The following NAV3 variants were observed in gnomAD, a reference collection of about 807,000 sequenced individuals.
The protein encoded by NAV3 is pore membrane and/or filament interacting like protein 1.
A neutral mutation model predicts 244.7 loss-of-function variants in NAV3; 87 were observed. The ratio of observed to expected loss-of-function variants is 0.36; its 90% confidence interval spans 0.30 to 0.42. The LOEUF (loss-of-function observed/expected upper bound fraction) is 0.42. Ranked by LOEUF, NAV3 falls within the 20% of genes least tolerant of loss-of-function variation. The pLI, the probability that NAV3 is intolerant of heterozygous loss-of-function variation, is 1.00. For synonymous variants in NAV3, 1,126 were observed against 1,042.2 expected (o/e 1.08, Z -1.55); for missense variants, 2,663 against 2,893.3 (o/e 0.92, Z 1.83).
intron 2 of NAV3, among the ~76,000 whole-genome samples, chr12:77,706,332 C>T (rs1469765935): frequency 6.6e-6 from 1 of 151,310 alleles, no homozygotes; most frequent in Non-Finnish European, 1.5e-5. Flanking sequence ...TACTATATTT[C>T]TCAATAGTTA....
In NAV3 at chr12:78,013,252, A is replaced by G. The variant is rs890475474; in HGVS notation, c.1907+5807A>G. 1.1e-4 allele frequency among the ~76,000 whole-genome samples: 16 copies of G among 152,268 alleles called. 1 individual carries two copies. The South Asian group carries it at 2.7e-3, about 26-fold the overall frequency. On this transcript the variant is annotated intron_variant, in intron 8 of 39. Transcript: ENST00000397909. Reference sequence around the variant, plus strand: ...ATACGTCCTATGTCGTTTTCTTTTCATCATCCACAATGTGGTAGACAAGGG... The same window carrying G: ...ATACGTCCTATGTCGTTTTCTTTTCGTCATCCACAATGTGGTAGACAAGGG...
intron 2 of NAV3, among the ~76,000 whole-genome samples, chr12:77,677,104 A>C (rs1874240987): frequency 6.6e-6 from 1 of 152,190 alleles, no homozygotes; most frequent in Non-Finnish European, 1.5e-5. Flanking sequence ...TTCTTAACCC[A>C]TCCCCACATT....
rs1046395567 is a variant in NAV3 at position 77,868,105 on chromosome 12, CT to C, written c.243+36403del. On this transcript the variant is annotated intron_variant, in intron 1 of 39. Transcript: ENST00000397909. ...AGTCAAACCTTGCTGTTTGTTCTAA[CT>C]TCAGCTATTAAAATTAGGAAGAAGT... 5.8e-3 allele frequency among the ~76,000 whole-genome samples: 478 copies of C among 82,696 alleles called. 3 individuals are homozygous for C. Among genetic ancestry groups the C allele is most frequent in the African/African-American group, 0.016 (438 of 27,612 alleles). The allele number at this position is 82,696 out of a possible 152,430, so 54.3% of individuals were successfully genotyped here. A position where few individuals can be genotyped will look rare whatever the true frequency, so the allele number is the denominator to read the frequency against.
Position 78,007,052 on chromosome 12 carries a change from T to C in NAV3, c.1514T>C (p.Leu505Ser), listed in dbSNP as rs200981782. Reference protein sequence around the residue: ...APKKTSKIASLIPKGSKTTAA... With the variant: ...APKKTSKIASSIPKGSKTTAA... Reference sequence around the variant, plus strand: ...AAAAAGACCTCCAAAATTGCAAGCTTGATCCCTAAGGGCAGCAAGACAACA... The same window carrying C: ...AAAAAGACCTCCAAAATTGCAAGCTCGATCCCTAAGGGCAGCAAGACAACA... The change falls in exon 8 of 40, where the codon TTG becomes TCG. Residue 505 changes from leucine to serine, a missense_variant. Leu to Ser is a moderately radical substitution (Grantham distance 145). Coordinates refer to ENST00000397909, the MANE Select transcript of NAV3 (RefSeq NM_001024383.2). 7 of 1,614,134 alleles carry C rather than the reference T, an allele frequency of 4.3e-6. No individual in the cohort carries two copies. Among genetic ancestry groups the C allele is most frequent in the Non-Finnish European group, 8.5e-7 (1 of 1,180,026 alleles).
chr12:77,689,765 G>T (rs186777120), intron 2 of NAV3, among the ~76,000 whole-genome samples: 20 of 151,620 alleles, frequency 1.3e-4, no homozygotes, highest in African/African-American at 4.6e-4. Context: ...TTTATTTAAG[G>T]CAATAATTAA....
chr12:77,656,470 G>A (rs1443627361), intron 2 of NAV3, among the ~76,000 whole-genome samples: 1 of 119,568 alleles, frequency 8.4e-6, no homozygotes, highest in Non-Finnish European at 1.7e-5. Flanking sequence ...AGTCCTGAGT[G>A]ACCTACAAAG....
intron 34 of NAV3, among the ~76,000 whole-genome samples, chr12:78,193,609 G>T (rs1031901444): frequency 6.6e-6 from 1 of 152,042 alleles, no homozygotes; most frequent in Non-Finnish European, 1.5e-5. Flanking sequence ...TTTAATGCCG[G>T]TGCATCAGTG....
intron 15 of NAV3, 77 bp from the exon 16 acceptor site, chr12:78,121,863 T>C (rs1955683303): frequency 6.4e-7 from 1 of 1,560,236 alleles, no homozygotes; most frequent in Non-Finnish European, 8.7e-7. Context: ...CTTGGCTCTG[T>C]GTACTGTAAC....
chr12:78,124,547 G>A lies in NAV3; in HGVS notation c.4238+2119G>A, dbSNP rs756636347. ...CAGCTCATTGCGTCCTCTGCTTCCC[G>A]AGTTCAAGCAATTCTCATGCCTCAG... On this transcript the variant is annotated intron_variant, in intron 16 of 39. Coordinates refer to ENST00000397909, the MANE Select transcript of NAV3 (RefSeq NM_001024383.2). Among the ~76,000 whole-genome samples the A allele has an allele frequency of 5.3e-5, 8 of 152,250 alleles. No homozygotes were observed. The South Asian group carries it at 8.3e-4, about 16-fold the overall frequency.
Position 78,104,314 on chromosome 12 carries a change from G to A in NAV3, c.2637-12458G>A, listed in dbSNP as rs541004445. Among the ~76,000 whole-genome samples the A allele has an allele frequency of 9.9e-5, 15 of 152,274 alleles. No homozygotes were observed. In the South Asian group the frequency reaches 1.7e-3, roughly 17 times the overall value. ...AGTGCTATTACATCAAAAAAGAGGC[G>A]TGTGCTGAAAAATTACCTACAAATG... is the stretch of plus-strand genomic sequence containing the variant. On this transcript the variant is annotated intron_variant, in intron 12 of 39. Transcript: ENST00000397909.
intron 5 of NAV3, among the ~76,000 whole-genome samples, chr12:77,972,596 G>A (rs185777988): frequency 0.022 from 3,305 of 151,734 alleles, 67 homozygotes; most frequent in Non-Finnish European, 0.031. Flanking sequence ...TTTTGAAAAA[G>A]GTAGATAAAA....
intron 12 of NAV3, among the ~76,000 whole-genome samples, chr12:78,100,021 G>A (rs147963581): frequency 7.2e-5 from 11 of 151,860 alleles, no homozygotes; most frequent in African/African-American, 2.4e-4. Flanking sequence ...ATATTCTAGA[G>A]AAAATAAAAG....
intron 21 of NAV3, among the ~76,000 whole-genome samples, chr12:78,148,231 GTCTTGA>G (rs1956938596): frequency 6.6e-6 from 1 of 151,884 alleles, no homozygotes; most frequent in Non-Finnish European, 1.5e-5. Context: ...CTAAATAAAG[GTCTTGA>G]TAATACAGAT....
chr12:78,032,006 A>G (rs1339648144), intron 9 of NAV3, among the ~76,000 whole-genome samples: 2 of 152,176 alleles, frequency 1.3e-5, no homozygotes, highest in East Asian at 1.9e-4. Flanking sequence ...AAACAAACAT[A>G]GAGGAAACAG....
intron 2 of NAV3, among the ~76,000 whole-genome samples, chr12:77,575,149 T>G (rs1361540113): frequency 2.0e-5 from 3 of 151,812 alleles, no homozygotes; most frequent in Admixed American, 6.6e-5. Context: ...AAATAATGCC[T>G]CATCCCCTTA....
At chr12:77,775,599 T>A (rs998527245) in intron 2 of NAV3, among the ~76,000 whole-genome samples, 9 of 152,200 alleles carry the variant, frequency 5.9e-5, no homozygotes, top group African/African-American at 2.2e-4. Flanking sequence ...TTATCTTGTT[T>A]CATTATATAT....
At chr12:77,744,931 G>A (rs1025471988) in intron 2 of NAV3, among the ~76,000 whole-genome samples, 1 of 151,804 alleles carries the variant, frequency 6.6e-6, no homozygotes, top group Non-Finnish European at 1.5e-5. Flanking sequence ...GAGTACAGTG[G>A]TCCTAAAATA....
intron 19 of NAV3, among the ~76,000 whole-genome samples, chr12:78,138,382 C>G (rs1308342235): frequency 6.7e-6 from 1 of 149,774 alleles, no homozygotes; most frequent in African/African-American, 2.4e-5. Context: ...CCCTTCCTAC[C>G]TTCTTATTTA....
At chr12:78,026,487 T>C (rs78992706) in intron 9 of NAV3, among the ~76,000 whole-genome samples, 1 of 152,154 alleles carries the variant, frequency 6.6e-6, no homozygotes, top group Non-Finnish European at 1.5e-5. Context: ...TGTCCTGATA[T>C]TCTATTCATT....
Sources: gnomAD v4.1 joint callset for allele counts (sites outside exome capture counted in the v4.1 genomes callset) on GRCh38, gnomAD v4.1.1 for gene constraint, MANE v1.5 for transcripts, NCBI Gene and HGNC (gene_info 2026-07-23, HGNC 2026-07-21) for gene names.